PCED1B: variants seen among roughly 807,000 people sequenced by gnomAD.
PCED1B encodes the protein PC-esterase domain containing 1B, also known as PC-esterase domain-containing protein 1B.
For missense variants in PCED1B, 573 were observed against 573.9 expected (o/e 1.00, Z 0.02); for synonymous variants, 251 against 246.1 (o/e 1.02, Z -0.19).
intron 2 of PCED1B, among the ~76,000 whole-genome samples, chr12:47,153,072 G>A (rs957369654): frequency 3.9e-5 from 6 of 152,028 alleles, no homozygotes; most frequent in Non-Finnish European, 7.4e-5. Flanking sequence ...AATTCAGGCC[G>A]GGCACAGTGG....
chr12:47,106,886 G>A (rs1017925075), intron 2 of PCED1B, among the ~76,000 whole-genome samples: 1 of 151,598 alleles, frequency 6.6e-6, no homozygotes, highest in Non-Finnish European at 1.5e-5. Flanking sequence ...CTCTGCTTCC[G>A]GGGCCCGCAG....
At chr12:47,121,753 G>A (rs745892560) in intron 2 of PCED1B, among the ~76,000 whole-genome samples, 86 of 151,872 alleles carry the variant, frequency 5.7e-4, no homozygotes, top group Non-Finnish European at 1.1e-3. Context: ...GCTCTGAGCC[G>A]GGTGTGGTGG....
At position 47,191,203 on chromosome 12, in the gene PCED1B, C is replaced by T. The variant is rs201423215; in HGVS notation, c.-525-25019C>T. Among the ~76,000 whole-genome samples, 8 of 152,278 alleles carry T rather than the reference C, an allele frequency of 5.3e-5. No homozygotes were observed. In the East Asian group the frequency reaches 1.5e-3, roughly 29 times the overall value. On this transcript the variant is annotated intron_variant, in intron 2 of 3. Coordinates refer to ENST00000546455, the MANE Select transcript of PCED1B (RefSeq NM_138371.3). ...CCTTCCCAACAGACACACAGGGCTA[C>T]TATGAGTATGCCCATTTACAAATGA...
At chr12:47,161,939 A>C (rs1941394543) in intron 2 of PCED1B, among the ~76,000 whole-genome samples, 1 of 152,350 alleles carries the variant, frequency 6.6e-6, no homozygotes, top group Non-Finnish European at 1.5e-5. Flanking sequence ...AGCCATAAAA[A>C]AGGATGAATT....
intron 2 of PCED1B, among the ~76,000 whole-genome samples, chr12:47,215,361 C>G (rs1943222930): frequency 6.6e-6 from 1 of 151,578 alleles, no homozygotes; most frequent in Admixed American, 6.6e-5. Context: ...TCAAGCGATT[C>G]TCCTGCCTCA....
At chr12:47,123,440 A>C (rs1391482325) in intron 2 of PCED1B, among the ~76,000 whole-genome samples, 2 of 152,134 alleles carry the variant, frequency 1.3e-5, no homozygotes, top group Non-Finnish European at 2.9e-5. Flanking sequence ...TATGACATCA[A>C]TTATCTATAG....
At chr12:47,137,751 A>T (rs1940438758) in intron 2 of PCED1B, among the ~76,000 whole-genome samples, 1 of 139,034 alleles carries the variant, frequency 7.2e-6, no homozygotes, top group Non-Finnish European at 1.7e-5. Flanking sequence ...AAAGAAAAAA[A>T]GAAAAAAAAA....
Position 47,235,144 on chromosome 12 carries a change from G to C in PCED1B, c.81G>C (p.Arg27Ser). 1.9e-6 allele frequency: 3 copies of C among 1,572,666 alleles called. No individual in the cohort carries two copies. Among genetic ancestry groups the C allele is most frequent in the Non-Finnish European group, 8.6e-7 (1 of 1,158,856 alleles). ...FVVILGDSVH[R>S]AVYKDLVLLL... ...TCATCCTGGGGGACTCTGTGCATAG[G>C]GCAGTATACAAGGACCTGGTGCTTC... The change falls in exon 4 of 4, where the codon AGG (arginine) becomes AGC (serine). Residue 27 changes from arginine (R) to serine (S), a missense_variant. Coordinates refer to ENST00000546455, the MANE Select transcript of PCED1B (RefSeq NM_138371.3).
chr12:47,174,416 AAAAC>A (rs1306305389), intron 2 of PCED1B, among the ~76,000 whole-genome samples: 3 of 151,050 alleles, frequency 2.0e-5, no homozygotes, highest in African/African-American at 7.3e-5. Flanking sequence ...CCAAAAAAAA[AAAAC>A]AAACAAAACA....
At chr12:47,211,653 CAAAAAAAAAAAA>C (rs760117906) in intron 2 of PCED1B, among the ~76,000 whole-genome samples, 2 of 65,644 alleles carry the variant, frequency 3.0e-5, no homozygotes, top group Admixed American at 3.8e-4. Flanking sequence ...GACTCTGTCT[CAAAAAAAAAAAA>C]AAAAAAAAAA....
chr12:47,146,875 T>C (rs1251005119), intron 2 of PCED1B, among the ~76,000 whole-genome samples: 1 of 152,232 alleles, frequency 6.6e-6, no homozygotes, highest in Non-Finnish European at 1.5e-5. Context: ...ATGACTGTAA[T>C]TATAAATTCC....
rs181336244 is a variant in PCED1B, at chr12:47,210,951, C to T, written c.-525-5271C>T. On this transcript the variant is annotated intron_variant, in intron 2 of 3. Coordinates refer to ENST00000546455, the MANE Select transcript of PCED1B (RefSeq NM_138371.3). Reference sequence around the variant, plus strand: ...ACCGGTAAAATGGAATAGTGATATACGATTAATTTATAAAACAAATGATGC... The same window carrying T: ...ACCGGTAAAATGGAATAGTGATATATGATTAATTTATAAAACAAATGATGC... Among the ~76,000 whole-genome samples the T allele has an allele frequency of 1.3e-4, 19 of 151,992 alleles. 1 individual carries two copies. The South Asian group carries it at 2.1e-3, about 17-fold the overall frequency.
At chr12:47,152,028 C>G (rs1250152291) in intron 2 of PCED1B, among the ~76,000 whole-genome samples, 1 of 152,154 alleles carries the variant, frequency 6.6e-6, no homozygotes. Flanking sequence ...TTATTCAATT[C>G]TTCTTTACAG....
At chr12:47,122,015 A>C (rs1939698590) in intron 2 of PCED1B, among the ~76,000 whole-genome samples, 1 of 137,318 alleles carries the variant, frequency 7.3e-6, no homozygotes, top group South Asian at 2.3e-4. Flanking sequence ...TGACAGAGCG[A>C]GACTCCATCT....
At chr12:47,205,582 A>G (rs1175712614) in intron 2 of PCED1B, among the ~76,000 whole-genome samples, 1 of 152,224 alleles carries the variant, frequency 6.6e-6, no homozygotes, top group East Asian at 1.9e-4. Context: ...GAATGGTGTA[A>G]CAGCTTGGAA....
intron 2 of PCED1B, among the ~76,000 whole-genome samples, chr12:47,127,589 C>G (rs1000128701): frequency 1.3e-5 from 2 of 152,070 alleles, no homozygotes; most frequent in African/African-American, 2.4e-5. Context: ...TGGTCTCGAT[C>G]TCCTGACCTC....
Position 47,192,559 on chromosome 12 carries a change from A to C in PCED1B, c.-525-23663A>C, listed in dbSNP as rs78433849. Among the ~76,000 whole-genome samples, 222 of 152,294 alleles carry C rather than the reference A, an allele frequency of 1.5e-3. 3 individuals are homozygous for C. The East Asian group carries it at 0.022, about 15-fold the overall frequency. Reference sequence around the variant, plus strand: ...ATCCAATTTAATCTTCAGTGGAAAAAGTGGAATTGGACGAGGGCAGAGCTC... The same window carrying C: ...ATCCAATTTAATCTTCAGTGGAAAACGTGGAATTGGACGAGGGCAGAGCTC... On this transcript the variant is annotated intron_variant, in intron 2 of 3. Transcript: ENST00000546455.
intron 2 of PCED1B, among the ~76,000 whole-genome samples, chr12:47,198,017 G>A (rs1423871969): frequency 1.3e-5 from 2 of 152,144 alleles, no homozygotes; most frequent in Non-Finnish European, 2.9e-5. Context: ...AAATAGAAGT[G>A]AAGGAAACAT....
chr12:47,167,714 C>G (rs968717774), intron 2 of PCED1B, among the ~76,000 whole-genome samples: 3 of 152,134 alleles, frequency 2.0e-5, no homozygotes, highest in African/African-American at 7.2e-5. Flanking sequence ...ATAATAAATT[C>G]TCTTATTGTT....
Sources: allele counts gnomAD v4.1 joint callset (sites outside exome capture counted in the v4.1 genomes callset), GRCh38; gene constraint gnomAD v4.1.1; transcripts MANE v1.5; gene names NCBI Gene and HGNC (gene_info 2026-07-23, HGNC 2026-07-21).